Variants in ARMC3 observed in about 807,000 individuals in gnomAD.
ARMC3 encodes the protein armadillo repeat-containing protein 3.
Under a neutral mutation model 90.3 loss-of-function variants are expected in ARMC3, and 74 were observed. The observed-to-expected ratio is 0.82, with a 90% confidence interval of 0.68 to 0.99. The LOEUF (loss-of-function observed/expected upper bound fraction) is 0.99. Among genes scored for constraint, ARMC3 ranks in the 50% least tolerant of loss-of-function variants. ARMC3 has a pLI of 0.00. For synonymous variants in ARMC3, 334 were observed against 361.8 expected, an observed-to-expected ratio of 0.92 and a Z score of 0.87; for missense variants, 958 against 1,042.8, an observed-to-expected ratio of 0.92 and a Z score of 1.12.
intron 14 of ARMC3, among the ~76,000 whole-genome samples, chr10:23,008,025 G>A (rs753883745): frequency 3.3e-5 from 5 of 152,062 alleles, no homozygotes; most frequent in Non-Finnish European, 5.9e-5. Flanking sequence ...GATCGCTTGA[G>A]CCCCGGAGGT....
chr10:22,979,906 C>T (rs910825727), intron 8 of ARMC3, among the ~76,000 whole-genome samples: 7 of 152,128 alleles, frequency 4.6e-5, no homozygotes, highest in Admixed American at 3.3e-4. Context: ...ATAACTTAGC[C>T]TGTGCCAGTT....
At chr10:22,940,239 T>C (rs1834273660) in intron 2 of ARMC3, among the ~76,000 whole-genome samples, 1 of 152,228 alleles carries the variant, frequency 6.6e-6, no homozygotes, top group South Asian at 2.1e-4. Flanking sequence ...CTAAGTGTTA[T>C]GCACCTAATA....
rs183857544 is a variant in ARMC3, at chr10:22,975,229, A to G, written c.917-6111A>G. 2.0e-5 allele frequency among the ~76,000 whole-genome samples: 3 copies of G among 152,258 alleles called. No homozygotes were observed. The East Asian group carries it at 5.8e-4, about 29-fold the overall frequency. ...ATATGACAATTTAACTGGGTTTGGA[A>G]TTGTTGCATCATAACATTTCTCCTT... On this transcript the variant is annotated intron_variant, in intron 8 of 18. Transcript: ENST00000298032.
At chr10:22,965,135 T>C (rs1835392152) in intron 7 of ARMC3, among the ~76,000 whole-genome samples, 1 of 152,208 alleles carries the variant, frequency 6.6e-6, no homozygotes, top group Non-Finnish European at 1.5e-5. Flanking sequence ...TTTACTCACA[T>C]ATGTATGATT....
intron 6 of ARMC3, chr10:22,960,064 G>A (rs1588845565): frequency 3.3e-6 from 1 of 305,322 alleles, no homozygotes; most frequent in East Asian, 9.4e-5. Context: ...TCACTGTGCT[G>A]TTTTCCTTTG....
chr10:23,013,562 G>GTGGTAA (rs1838123530), intron 16 of ARMC3, among the ~76,000 whole-genome samples: 1 of 152,188 alleles, frequency 6.6e-6, no homozygotes, highest in South Asian at 2.1e-4. Context: ...CCACGATTAA[G>GTGGTAA]TTAATTAACA....
intron 8 of ARMC3, among the ~76,000 whole-genome samples, chr10:22,975,578 A>G (rs1835885667): frequency 6.6e-6 from 1 of 152,164 alleles, no homozygotes; most frequent in Non-Finnish European, 1.5e-5. Flanking sequence ...AAAAACAAAA[A>G]TGAAAAGCTT....
chr10:22,929,369 C>T (rs933174948), intron 1 of ARMC3, among the ~76,000 whole-genome samples: 1 of 152,038 alleles, frequency 6.6e-6, no homozygotes, highest in Non-Finnish European at 1.5e-5. Flanking sequence ...ATTGATCTCT[C>T]TGAGCTTATC....
At position 22,962,537 on chromosome 10, in the gene ARMC3, G is replaced by A. The variant is rs570672487; in HGVS notation, c.732+459G>A. ...CTCATCTAGCAGTTTATTGAAAACC[G>A]TTTAATTGACTTGAGTGGTTCAGAT... On this transcript the variant is annotated intron_variant, in intron 7 of 18. Transcript: ENST00000298032. Among the ~76,000 whole-genome samples the A allele has an allele frequency of 9.8e-4, 150 of 152,312 alleles. 5 individuals are homozygous for A. The South Asian group carries it at 0.029, about 29-fold the overall frequency.
intron 8 of ARMC3, among the ~76,000 whole-genome samples, chr10:22,978,880 T>C (rs1412554903): frequency 1.3e-5 from 2 of 152,236 alleles, no homozygotes; most frequent in African/African-American, 4.8e-5. Flanking sequence ...GACAAGGTCA[T>C]GCATTGTCAT....
chr10:22,945,077 A>G (rs568884873), intron 2 of ARMC3, among the ~76,000 whole-genome samples: 34 of 152,320 alleles, frequency 2.2e-4, no homozygotes, highest in Non-Finnish European at 4.3e-4. Flanking sequence ...CTCCTCCAAA[A>G]GGGAAATTTT....
chr10:23,037,232 C>T (rs762314140), intron 18 of ARMC3, 38 bp from the exon 19 acceptor site: 30 of 1,511,334 alleles, frequency 2.0e-5, no homozygotes, highest in Admixed American at 3.9e-5. Context: ...ACCCCTCTCC[C>T]GCACCACCCT....
At chr10:22,959,657 A>T (rs1835108315) in intron 6 of ARMC3, 83 bp downstream of exon 6, 2 of 1,355,052 alleles carry the variant, frequency 1.5e-6, no homozygotes, top group East Asian at 5.0e-5. Context: ...AAAGCTTTTA[A>T]AAATGCACCA....
At chr10:22,979,147 T>C (rs565735412) in intron 8 of ARMC3, among the ~76,000 whole-genome samples, 19 of 152,330 alleles carry the variant, frequency 1.2e-4, no homozygotes, top group African/African-American at 4.6e-4. Flanking sequence ...CATCATTACA[T>C]ACAGATTTGT....
intron 15 of ARMC3, among the ~76,000 whole-genome samples, 171 bp downstream of exon 15, chr10:23,008,545 A>C (rs560592325): frequency 5.3e-5 from 8 of 152,338 alleles, no homozygotes; most frequent in Admixed American, 5.2e-4. Flanking sequence ...AATAGGAGCC[A>C]GGAAATCTGG....
intron 7 of ARMC3, among the ~76,000 whole-genome samples, chr10:22,967,593 G>A (rs1365445408): frequency 6.6e-6 from 1 of 152,172 alleles, no homozygotes; most frequent in Non-Finnish European, 1.5e-5. Context: ...ACAGCATTCT[G>A]GACAACCTTG....
chr10:22,971,381 A>G (rs1295086394), intron 8 of ARMC3, among the ~76,000 whole-genome samples: 1 of 151,438 alleles, frequency 6.6e-6, no homozygotes, highest in African/African-American at 2.4e-5. Flanking sequence ...CCTGATTTCA[A>G]TTATTTTGGA....
In ARMC3 at chr10:23,011,931, G is replaced by A. The variant is rs533591288; in HGVS notation, c.2045+3000G>A. Among the ~76,000 whole-genome samples the A allele has an allele frequency of 3.9e-5, 6 of 152,320 alleles. No individual in the cohort carries two copies. In the East Asian group the frequency reaches 1.2e-3, roughly 29 times the overall value. ...CAGCTATGGCCCTGGGAAAGACTCA[G>A]CCTTCTGCTCCCTTGCTAGGGACAG... On this transcript the variant is annotated intron_variant, in intron 16 of 18. Coordinates refer to ENST00000298032, the MANE Select transcript of ARMC3 (RefSeq NM_173081.5).
At chr10:23,003,527 G>A (rs1837422648) in intron 13 of ARMC3, 113 bp downstream of exon 13, 4 of 964,346 alleles carry the variant, frequency 4.1e-6, no homozygotes, top group Non-Finnish European at 5.8e-6. Context: ...TATTTTTACA[G>A]GCAGAAACTT....
Sources: allele counts gnomAD v4.1 joint callset (sites outside exome capture counted in the v4.1 genomes callset), GRCh38; gene constraint gnomAD v4.1.1; transcripts MANE v1.5; gene names NCBI Gene and HGNC (gene_info 2026-07-23, HGNC 2026-07-21).